The following RBFOX2 variants were observed in gnomAD, a reference collection of about 807,000 sequenced individuals.
RBFOX2 encodes RNA binding fox-1 homolog 2, also known as RNA binding protein fox-1 homolog 2.
A neutral mutation model predicts 49.1 loss-of-function variants in RBFOX2; 10 were observed. The observed-to-expected ratio is 0.20, with a 90% CI of 0.13 to 0.35. The LOEUF (loss-of-function observed/expected upper bound fraction) is 0.35, where lower values mean the gene tolerates loss of function less well. Ranked by LOEUF, RBFOX2 falls within the 10% of genes least tolerant of loss-of-function variation. The pLI is 1.00. For synonymous variants in RBFOX2, 183 were observed against 187.4 expected, an observed-to-expected ratio of 0.98 and a Z score of 0.19; for missense variants, 323 against 486.9, an observed-to-expected ratio of 0.66 and a Z score of 3.17.
intron 9 of RBFOX2, 22 bp from the exon 12 acceptor site, chr22:35,746,583 A>G: frequency 6.8e-7 from 1 of 1,470,988 alleles, no homozygotes; most frequent in South Asian, 1.3e-5. Flanking sequence ...AAGAGAACTG[A>G]CTTTACAGAT....
chr22:35,738,868 C>CA (rs889140807), exon 12 of RBFOX2: 4 of 152,374 alleles, frequency 2.6e-5, no homozygotes, highest in Admixed American at 2.0e-4. Flanking sequence ...GAGAGTAATA[C>CA]AAAAAAATAA....
chr22:35,837,008 A>G (rs1208101247), intron 1 of RBFOX2, among the ~76,000 whole-genome samples: 1 of 152,232 alleles, frequency 6.6e-6, no homozygotes, highest in East Asian at 1.9e-4. Context: ...ACACATGAAC[A>G]GCCGATAAAA....
exon 12 of RBFOX2, chr22:35,741,895 C>G (rs1292817941): frequency 6.6e-6 from 1 of 152,488 alleles, no homozygotes; most frequent in Non-Finnish European, 1.5e-5. Context: ...ATGGATAAAA[C>G]CATTTAGAAT....
chr22:35,802,646 A>T (rs1414994319), intron 2 of RBFOX2, among the ~76,000 whole-genome samples: 1 of 152,140 alleles, frequency 6.6e-6, no homozygotes, highest in African/African-American at 2.4e-5. Context: ...CATAGCTCTG[A>T]CAGCTAAAAG....
rs199502357 is a variant in RBFOX2 at position 35,809,990 on chromosome 22, C to T, written c.42G>A (p.Pro14=). ...GAACCATTGCGTCAGGAGTTGTTGT[C>T]GGCTCCTGGTTACCCTAAAACAAAC... The change falls in exon 2 of 12, where the codon CCG becomes CCA. Residue 14 remains proline (P), a synonymous_variant. Transcript: ENST00000405409. 236 of 1,613,834 alleles carry T rather than the reference C, an allele frequency of 1.5e-4. No homozygotes were observed. Among genetic ancestry groups the T allele is most frequent in the East Asian group, 4.5e-4 (20 of 44,884 alleles).
exon 12 of RBFOX2, chr22:35,741,990 T>C (rs914826778): frequency 6.6e-6 from 1 of 152,426 alleles, no homozygotes; most frequent in East Asian, 1.9e-4. Context: ...TCTGTTTTTT[T>C]AGTCAGCTAA....
At chr22:35,754,125 T>C (rs1372099315) in intron 9 of RBFOX2, among the ~76,000 whole-genome samples, 1 of 140,776 alleles carries the variant, frequency 7.1e-6, no homozygotes, top group Non-Finnish European at 1.5e-5. Flanking sequence ...GGAGTCTCAC[T>C]CTGTCACCCA....
At chr22:35,964,705 C>A (rs2056453093), upstream of RBFOX2, among the ~76,000 whole-genome samples, 1 of 152,148 alleles carries the variant, frequency 6.6e-6, no homozygotes, top group African/African-American at 2.4e-5. Context: ...TTCAGGGATT[C>A]CACTAAAATT....
rs185942280 is a variant in RBFOX2 at position 35,957,100 on chromosome 22, T to G, written c.42+4463A>C. On this transcript the variant is annotated intron_variant, in intron 1 of 5. Transcript: ENST00000408983. ...GAGGTATGGGGGAAAGTACAGTTAT[T>G]AGAATCACACTGATCTACGTCTCTG... Among the ~76,000 whole-genome samples the G allele has an allele frequency of 1.5e-3, 223 of 152,298 alleles. 2 individuals are homozygous for G. The highest frequency in any genetic ancestry group is 2.2e-3 in the Non-Finnish European group (151 of 68,022).
At position 35,830,709 on chromosome 22, in the gene RBFOX2, T is replaced by C. The variant is rs568848324; in HGVS notation, c.27+9483A>G. The stretch of plus-strand genomic sequence containing the variant: ...AAGGGACAGTAAAAATACAGTATTA[T>C]AATCTTATGGAACCACTATTGTGTA... On this transcript the variant is annotated intron_variant, in intron 1 of 11. Coordinates refer to ENST00000405409, the Ensembl canonical transcript of RBFOX2. 9.8e-5 allele frequency among the ~76,000 whole-genome samples: 15 copies of C among 152,302 alleles called. No individual in the cohort carries two copies. In the South Asian group the frequency reaches 3.1e-3, roughly 32 times the overall value.
chr22:35,944,238 T>TG (rs984061158), intron 1 of RBFOX2, among the ~76,000 whole-genome samples: 14 of 152,132 alleles, frequency 9.2e-5, no homozygotes, highest in African/African-American at 3.1e-4. Flanking sequence ...TAAAAGTGTG[T>TG]GGGGGGATGG....
intron 1 of RBFOX2, among the ~76,000 whole-genome samples, chr22:35,948,371 A>G (rs776118203): frequency 8.5e-5 from 13 of 152,302 alleles, no homozygotes; most frequent in Admixed American, 3.3e-4. Context: ...AAATTCAATC[A>G]TGACAAAATT....
chr22:36,025,608 AT>A (rs2059402204), intron 1 of RBFOX2, among the ~76,000 whole-genome samples: 1 of 152,208 alleles, frequency 6.6e-6, no homozygotes, highest in African/African-American at 2.4e-5. Context: ...AAGTATATTC[AT>A]GTAATACTCT....
intron 10 of RBFOX2, 132 bp from the exon 13 acceptor site, chr22:35,746,127 A>C (rs1372314052): frequency 1.2e-6 from 1 of 812,102 alleles, no homozygotes; most frequent in Non-Finnish European, 2.0e-6. Flanking sequence ...AATTACAAGG[A>C]ATAGGAAAAA....
intron 1 of RBFOX2, among the ~76,000 whole-genome samples, chr22:35,886,776 C>T (rs546986540): frequency 2.0e-5 from 3 of 152,314 alleles, no homozygotes; most frequent in Middle Eastern, 3.4e-3. Context: ...ATGCATTGAA[C>T]TGCACTGATG....
At chr22:35,956,559 A>T (rs1464792743) in intron 1 of RBFOX2, among the ~76,000 whole-genome samples, 1 of 151,922 alleles carries the variant, frequency 6.6e-6, no homozygotes, top group Non-Finnish European at 1.5e-5. Flanking sequence ...ACGGGGTTTC[A>T]CCATGTTGGC....
rs949050588 is a variant in RBFOX2 at position 35,955,744 on chromosome 22, G to T, written c.42+5819C>A. Among the ~76,000 whole-genome samples, 7 of 152,092 alleles carry T rather than the reference G, an allele frequency of 4.6e-5. No homozygotes were observed. In the South Asian group the frequency reaches 1.5e-3, roughly 32 times the overall value. On this transcript the variant is annotated intron_variant, in intron 1 of 5. Transcript: ENST00000408983. ...TAGTGCTTGCTGCTCACCTCCTGCC[G>T]TGTGGCCTGGTTCCTAACAGGCCAC... is the stretch of plus-strand genomic sequence containing the variant.
intron 1 of RBFOX2, among the ~76,000 whole-genome samples, chr22:36,025,604 A>G (rs2059401733): frequency 6.6e-6 from 1 of 152,204 alleles, no homozygotes; most frequent in Non-Finnish European, 1.5e-5. Context: ...CATTAAGTAT[A>G]TTCATGTAAT....
intron 1 of RBFOX2, among the ~76,000 whole-genome samples, chr22:35,877,666 T>C (rs1375036283): frequency 6.6e-6 from 1 of 152,222 alleles, no homozygotes; most frequent in Non-Finnish European, 1.5e-5. Context: ...TGGTAACTTA[T>C]CCAATGTCAT....
Sources: allele counts gnomAD v4.1 joint callset (sites outside exome capture counted in the v4.1 genomes callset), GRCh38; gene constraint gnomAD v4.1.1; transcripts MANE v1.5; gene names NCBI Gene and HGNC (gene_info 2026-07-23, HGNC 2026-07-21).